The following STAG1 variants were observed in gnomAD, a reference collection of about 807,000 sequenced individuals.
The protein encoded by STAG1 is STAG1 cohesin complex component.
In STAG1, 26 loss-of-function variants were observed where a neutral mutation model predicts 170.9. That is an observed-to-expected ratio of 0.15 (90% CI 0.11 to 0.21). The LOEUF (loss-of-function observed/expected upper bound fraction) is 0.21. Among genes scored for constraint, STAG1 ranks in the 10% least tolerant of loss-of-function variants. STAG1 has a pLI of 1.00. For synonymous variants in STAG1, 514 were observed against 497.7 expected, an observed-to-expected ratio of 1.03 and a Z score of -0.44; for missense variants, 964 against 1,509.5, an observed-to-expected ratio of 0.64 and a Z score of 5.99.
intron 1 of STAG1, among the ~76,000 whole-genome samples, chr3:136,707,173 AAGCC>A (rs1410078036): frequency 1.3e-5 from 2 of 152,168 alleles, no homozygotes; most frequent in Non-Finnish European, 2.9e-5. Context: ...ATGACACCAA[AAGCC>A]CATGTACCTA....
chr3:136,706,177 G>T (rs1276866581), intron 1 of STAG1, among the ~76,000 whole-genome samples: 1 of 152,174 alleles, frequency 6.6e-6, no homozygotes, highest in Non-Finnish European at 1.5e-5. Flanking sequence ...ACTCAATGGT[G>T]AATAACTAAA....
chr3:136,597,533 T>C (rs1938484657), intron 4 of STAG1, among the ~76,000 whole-genome samples: 1 of 152,176 alleles, frequency 6.6e-6, no homozygotes, highest in Admixed American at 6.5e-5. Flanking sequence ...TCCACCCAAA[T>C]TTTTTATTAG....
At chr3:136,369,038 G>C in intron 24 of STAG1, 70 bp downstream of exon 24, 1 of 1,324,646 alleles carries the variant, frequency 7.5e-7, no homozygotes, top group South Asian at 2.0e-5. Flanking sequence ...AACTGAATTT[G>C]TTTCTTTTCT....
chr3:136,644,537 C>A (rs1180173143), intron 1 of STAG1, among the ~76,000 whole-genome samples: 1 of 152,042 alleles, frequency 6.6e-6, no homozygotes, highest in South Asian at 2.1e-4. Context: ...AGTAAGAATG[C>A]AAAAACTGTT....
intron 28 of STAG1, among the ~76,000 whole-genome samples, chr3:136,354,676 A>T (rs1463664091): frequency 2.0e-5 from 3 of 150,314 alleles, no homozygotes; most frequent in Non-Finnish European, 4.4e-5. Flanking sequence ...ATACAATTAA[A>T]GATTAATTAA....
At chr3:136,660,869 T>C (rs1426362237) in intron 1 of STAG1, among the ~76,000 whole-genome samples, 1 of 152,026 alleles carries the variant, frequency 6.6e-6, no homozygotes, top group Non-Finnish European at 1.5e-5. Context: ...CTCAGGAGGC[T>C]GAAGTGGGAG....
Position 136,542,152 on chromosome 3 carries a change from T to C in STAG1, c.438A>G (p.Glu146=), listed in dbSNP as rs777787239. 4 of 1,610,170 alleles carry C rather than the reference T, an allele frequency of 2.5e-6. No homozygotes were observed. The East Asian group carries it at 8.9e-5, about 36-fold the overall frequency. ...ATTCTTCAGTCATTTTTCTGATGATTTCTGCATTCTGCATATTTCGAAACA... is the reference window on the plus strand; with the variant it reads ...ATTCTTCAGTCATTTTTCTGATGATCTCTGCATTCTGCATATTTCGAAACA... ...IEMFRNMQNA[E]IIRKMTEEFD... The change falls in exon 6 of 34, where the codon GAA becomes GAG. Residue 146 remains glutamate, a synonymous_variant. Transcript: ENST00000383202.
At chr3:136,623,100 A>G in intron 3 of STAG1, 46 bp downstream of exon 3, 1 of 1,516,024 alleles carries the variant, frequency 6.6e-7, no homozygotes. Context: ...AAACTCATTA[A>G]CACGGTCACT....
chr3:136,582,245 T>C (rs1472886338), intron 4 of STAG1, among the ~76,000 whole-genome samples: 6 of 152,020 alleles, frequency 3.9e-5, no homozygotes, highest in Non-Finnish European at 8.8e-5. Context: ...GAAACACAAA[T>C]GTATCAAAGG....
At chr3:136,571,845 C>T (rs1221787332) in intron 4 of STAG1, among the ~76,000 whole-genome samples, 1 of 152,060 alleles carries the variant, frequency 6.6e-6, no homozygotes, top group East Asian at 1.9e-4. Flanking sequence ...CATGCTAACA[C>T]ACTCTCTCTA....
In STAG1 at chr3:136,383,128, T is replaced by C. The variant is rs80081203; in HGVS notation, c.2278-5376A>G. On this transcript the variant is annotated intron_variant, in intron 22 of 33. Transcript: ENST00000383202. Reference sequence around the variant, plus strand: ...CTGCCATTACTGGGTCATGTGATAGTAAGTATCTATACATTTTCAGGGTGT... The same window carrying C: ...CTGCCATTACTGGGTCATGTGATAGCAAGTATCTATACATTTTCAGGGTGT... 4.1e-3 allele frequency among the ~76,000 whole-genome samples: 632 copies of C among 152,320 alleles called. 13 individuals carry two copies. In the East Asian group the frequency reaches 0.06, roughly 15 times the overall value.
rs550651244 is a variant in STAG1 at position 136,502,788 on chromosome 3, T to G, written c.677-9A>C. On this transcript the variant is annotated splice_polypyrimidine_tract_variant and intron_variant, in intron 7 of 33. Coordinates refer to ENST00000383202, the MANE Select transcript of STAG1 (RefSeq NM_005862.3). ...AGTCATGAGCTTCATGGCTATGAAA[T>G]GAAGAAATATTATAATACCTATGAA... is the stretch of plus-strand genomic sequence containing the variant. 58 of 1,572,644 alleles carry G rather than the reference T, an allele frequency of 3.7e-5. No homozygotes were observed. In the Admixed American group the frequency reaches 1.1e-3, roughly 29 times the overall value.
chr3:136,501,547 G>A (rs1458072735), intron 8 of STAG1, among the ~76,000 whole-genome samples: 1 of 152,142 alleles, frequency 6.6e-6, no homozygotes, highest in African/African-American at 2.4e-5. Context: ...CCAGACACTA[G>A]GAGAGAAGTC....
At chr3:136,736,487 G>GGGTGGTCATTC (rs1934341623) in intron 1 of STAG1, 1 of 1,335,876 alleles carries the variant, frequency 7.5e-7, no homozygotes, top group Non-Finnish European at 1.1e-6. Flanking sequence ...CTGTGACCCC[G>GGGTGGTCATTC]GGTGGTCATT....
intron 1 of STAG1, among the ~76,000 whole-genome samples, chr3:136,686,484 T>C (rs112318705): frequency 4.6e-5 from 7 of 152,280 alleles, no homozygotes; most frequent in African/African-American, 1.4e-4. Context: ...TTGAATTCCA[T>C]CTTATTAGAG....
At chr3:136,496,864 T>A (rs1933134434) in intron 9 of STAG1, among the ~76,000 whole-genome samples, 1 of 147,692 alleles carries the variant, frequency 6.8e-6, no homozygotes. Flanking sequence ...CCACATACAC[T>A]GAACAATGAA....
At chr3:136,533,497 C>T (rs1030304133) in intron 6 of STAG1, among the ~76,000 whole-genome samples, 4 of 151,938 alleles carry the variant, frequency 2.6e-5, no homozygotes, top group African/African-American at 9.7e-5. Flanking sequence ...GGAGTCTGCT[C>T]GTCTTATGGT....
chr3:136,381,900 C>T (rs1261257162), intron 22 of STAG1, among the ~76,000 whole-genome samples: 3 of 152,130 alleles, frequency 2.0e-5, no homozygotes, highest in South Asian at 4.1e-4. Flanking sequence ...CTCTATGAAA[C>T]TCAAATGAGA....
intron 6 of STAG1, among the ~76,000 whole-genome samples, chr3:136,526,601 G>A (rs570596038): frequency 3.9e-5 from 6 of 152,066 alleles, no homozygotes; most frequent in Non-Finnish European, 8.8e-5. Context: ...TTACATTTAA[G>A]GTTAATATTG....
Sources: allele counts gnomAD v4.1 joint callset (sites outside exome capture counted in the v4.1 genomes callset), GRCh38; gene constraint gnomAD v4.1.1; transcripts MANE v1.5; gene names NCBI Gene and HGNC (gene_info 2026-07-23, HGNC 2026-07-21).